Variants in GAREM1 observed in about 807,000 individuals in gnomAD.
GAREM1 encodes the protein GRB2 associated regulator of MAPK1 subtype 1.
GAREM1 carries 26 observed loss-of-function variants against 71.3 expected under a neutral mutation model. The observed-to-expected ratio is 0.36, with a 90% CI of 0.27 to 0.51. The LOEUF (loss-of-function observed/expected upper bound fraction) is 0.51. Among genes scored for constraint, GAREM1 ranks in the 20% least tolerant of loss-of-function variants. The pLI, the probability that GAREM1 is intolerant of heterozygous loss-of-function variation, is 0.95. For missense variants in GAREM1, 1,026 were observed against 1,103.1 expected (o/e 0.93, Z 0.99); for synonymous variants, 440 against 433.2 (o/e 1.02, Z -0.20).
At chr18:32,412,923 T>C in intron 1 of GAREM1, 1 of 965,708 alleles carries the variant, frequency 1.0e-6, no homozygotes, top group Non-Finnish European at 1.6e-6. Flanking sequence ...TCTCTTTGGT[T>C]CCACAACTCT....
chr18:32,407,982 T>TAA (rs201308421), intron 1 of GAREM1, among the ~76,000 whole-genome samples: 2 of 150,828 alleles, frequency 1.3e-5, no homozygotes, highest in African/African-American at 4.9e-5. Context: ...TCTTTTTTTT[T>TAA]TAAAAAAAAA....
intron 4 of GAREM1, among the ~76,000 whole-genome samples, chr18:32,280,077 A>G (rs2041593680): frequency 6.6e-6 from 1 of 152,192 alleles, no homozygotes; most frequent in Non-Finnish European, 1.5e-5. Flanking sequence ...TGGAATCCTG[A>G]GTATATCTTT....
chr18:32,434,976 C>T (rs1228610233), intron 1 of GAREM1, among the ~76,000 whole-genome samples: 3 of 152,120 alleles, frequency 2.0e-5, no homozygotes, highest in African/African-American at 7.2e-5. Context: ...ATTGACATCA[C>T]GTATCCCTAA....
At chr18:32,370,528 A>G (rs1326254762) in intron 2 of GAREM1, among the ~76,000 whole-genome samples, 1 of 151,990 alleles carries the variant, frequency 6.6e-6, no homozygotes, top group African/African-American at 2.4e-5. Context: ...TTTAATTTAT[A>G]TATCATATTC....
chr18:32,308,125 C>A (rs1366971656), intron 3 of GAREM1, among the ~76,000 whole-genome samples: 1 of 152,108 alleles, frequency 6.6e-6, no homozygotes, highest in Non-Finnish European at 1.5e-5. Context: ...TTGCACAGCA[C>A]AGAACTCAAC....
Position 32,263,997 on chromosome 18 carries a change from G to A in GAREM1, c.*3874C>T, listed in dbSNP as rs573603711. ...TGTATATAGTTTAAACTGAAATCAC[G>A]TTTATTCCTTGTTTCTGGCTATCAC... On this transcript the variant is annotated 3_prime_UTR_variant, in exon 6 of 6. Coordinates refer to ENST00000269209, the MANE Select transcript of GAREM1 (RefSeq NM_001242409.2). 4 of 152,126 alleles carry A rather than the reference G, an allele frequency of 2.6e-5. No homozygotes were observed. The highest frequency in any genetic ancestry group is 6.5e-5 in the Admixed American group (1 of 15,278). The allele number at this position is 152,126 out of a possible 1,614,324, so 9.4% of individuals were successfully genotyped here. A position where few individuals can be genotyped will look rare whatever the true frequency, so the allele number is the denominator to read the frequency against.
At chr18:32,459,878 T>C (rs1359740620) in intron 1 of GAREM1, among the ~76,000 whole-genome samples, 4 of 152,190 alleles carry the variant, frequency 2.6e-5, no homozygotes, top group African/African-American at 9.6e-5. Flanking sequence ...CCTGGGGTTA[T>C]TCAAGTGGGC....
intron 2 of GAREM1, among the ~76,000 whole-genome samples, chr18:32,382,756 AAGG>A (rs2048109463): frequency 6.6e-6 from 1 of 152,140 alleles, no homozygotes; most frequent in Non-Finnish European, 1.5e-5. Flanking sequence ...GTAGGCTGGA[AAGG>A]AGGAGCAGTT....
At chr18:32,337,830 G>A (rs184408270) in intron 2 of GAREM1, among the ~76,000 whole-genome samples, 78 of 152,244 alleles carry the variant, frequency 5.1e-4, no homozygotes, top group African/African-American at 1.4e-3. Context: ...ATCGCCCGGA[G>A]AACTCAGCCA....
chr18:32,438,650 A>G (rs2048705105), intron 1 of GAREM1, among the ~76,000 whole-genome samples: 1 of 152,248 alleles, frequency 6.6e-6, no homozygotes, highest in South Asian at 2.1e-4. Context: ...GGGCTGATTT[A>G]TAAGTTTATA....
chr18:32,369,356 C>T (rs2047955290), intron 2 of GAREM1, among the ~76,000 whole-genome samples: 1 of 152,078 alleles, frequency 6.6e-6, no homozygotes, highest in Non-Finnish European at 1.5e-5. Flanking sequence ...GTCACTTTAC[C>T]AATCTGAAAC....
intron 1 of GAREM1, among the ~76,000 whole-genome samples, chr18:32,402,630 CT>C (rs1050387597): frequency 2.7e-4 from 41 of 152,224 alleles, no homozygotes; most frequent in African/African-American, 9.9e-4. Context: ...CCTGTTCCCC[CT>C]GTCTCCTCTA....
chr18:32,267,863 T>C lies in GAREM1; in HGVS notation c.*8A>G, dbSNP rs1490314291. 3.1e-6 allele frequency: 5 copies of C among 1,602,154 alleles called. No individual in the cohort carries two copies. In the Admixed American group the frequency reaches 8.4e-5, roughly 27 times the overall value. On this transcript the variant is annotated 3_prime_UTR_variant, in exon 6 of 6. Coordinates refer to ENST00000269209, the MANE Select transcript of GAREM1 (RefSeq NM_001242409.2). ...AGTTTTGTTCCATGCTGGCCGGGGGTTATTTGGCTATATTTTGGGCCTCCA... is the reference window on the plus strand; with the variant it reads ...AGTTTTGTTCCATGCTGGCCGGGGGCTATTTGGCTATATTTTGGGCCTCCA...
chr18:32,458,731 C>T (rs556894871), intron 1 of GAREM1, among the ~76,000 whole-genome samples: 3 of 151,814 alleles, frequency 2.0e-5, no homozygotes, highest in African/African-American at 7.2e-5. Flanking sequence ...ATTCTACTAT[C>T]GAGCAAAGAA....
intron 3 of GAREM1, among the ~76,000 whole-genome samples, chr18:32,304,217 G>A (rs565969800): frequency 6.6e-6 from 1 of 151,926 alleles, no homozygotes; most frequent in Non-Finnish European, 1.5e-5. Flanking sequence ...TGAGGCAGGA[G>A]AATCGCTTGG....
At chr18:32,460,323 T>C (rs1256324567) in intron 1 of GAREM1, among the ~76,000 whole-genome samples, 1 of 152,206 alleles carries the variant, frequency 6.6e-6, no homozygotes, top group Non-Finnish European at 1.5e-5. Context: ...TAAAGTGTCT[T>C]CATAACTATA....
chr18:32,369,317 G>A (rs1374680844), intron 2 of GAREM1, among the ~76,000 whole-genome samples: 1 of 152,170 alleles, frequency 6.6e-6, no homozygotes, highest in Non-Finnish European at 1.5e-5. Flanking sequence ...AGATAGTTAG[G>A]AATTAGTCAG....
At position 32,452,250 on chromosome 18, in the gene GAREM1, T is replaced by C. The variant is rs1323647490; in HGVS notation, c.121+18058A>G. On this transcript the variant is annotated intron_variant, in intron 1 of 5. Coordinates refer to ENST00000269209, the MANE Select transcript of GAREM1 (RefSeq NM_001242409.2). ...TCATCAAATTTAGGACCCCAGTGAA[T>C]TCTGTTGCAATCCATTCTGTTGTAA... Among the ~76,000 whole-genome samples the C allele has an allele frequency of 4.6e-5, 7 of 152,168 alleles. No individual in the cohort carries two copies. The East Asian group carries it at 1.2e-3, about 25-fold the overall frequency.
intron 2 of GAREM1, among the ~76,000 whole-genome samples, chr18:32,383,884 A>T (rs2048120002): frequency 6.6e-6 from 1 of 152,044 alleles, no homozygotes; most frequent in Non-Finnish European, 1.5e-5. Context: ...GATTCTGAGT[A>T]AACAGGCTGA....
Sources: gnomAD v4.1 joint callset for allele counts (sites outside exome capture counted in the v4.1 genomes callset) on GRCh38, gnomAD v4.1.1 for gene constraint, MANE v1.5 for transcripts, NCBI Gene and HGNC (gene_info 2026-07-23, HGNC 2026-07-21) for gene names.